Variants in CNTNAP3B observed in about 807,000 individuals in gnomAD.
CNTNAP3B encodes contactin associated protein family member 3B.
Under a neutral mutation model 108.9 loss-of-function variants are expected in CNTNAP3B, and 25 were observed. That is an observed-to-expected ratio of 0.23 (90% CI 0.17 to 0.32). The LOEUF (loss-of-function observed/expected upper bound fraction) is 0.32, where lower values mean the gene tolerates loss of function less well. Among genes scored for constraint, CNTNAP3B ranks in the 10% least tolerant of loss-of-function variants. CNTNAP3B has a pLI of 1.00. For missense variants in CNTNAP3B, 252 were observed against 1,210.4 expected, an observed-to-expected ratio of 0.21 and a Z score of 11.75; for synonymous variants, 103 against 473.4, an observed-to-expected ratio of 0.22 and a Z score of 10.16.
intron 2 of CNTNAP3B, among the ~76,000 whole-genome samples, chr9:42,080,292 G>C (rs1399872257): frequency 1.5e-5 from 2 of 135,822 alleles, no homozygotes; most frequent in Non-Finnish European, 3.1e-5. Context: ...TGATGAAGTA[G>C]TACTTAAATG....
intron 3 of CNTNAP3B, among the ~76,000 whole-genome samples, chr9:42,054,635 G>T (rs1365504031): frequency 5.9e-5 from 9 of 151,646 alleles, no homozygotes; most frequent in African/African-American, 2.2e-4. Flanking sequence ...GATGACCCAG[G>T]ACATGAATAA....
chr9:42,030,813 G>GGAGAGGGAGAGAGAGAGA (rs1826510115), intron 3 of CNTNAP3B, among the ~76,000 whole-genome samples: 1 of 65,748 alleles, frequency 1.5e-5, no homozygotes, highest in Non-Finnish European at 2.7e-5. Context: ...GAGAGAGAGA[G>GGAGAGGGAGAGAGAGAGA]GAGAGAGAGA....
chr9:42,099,188 A>T (rs1335205728), intron 2 of CNTNAP3B, among the ~76,000 whole-genome samples: 1 of 123,506 alleles, frequency 8.1e-6, no homozygotes, highest in Non-Finnish European at 1.7e-5. Context: ...ATTTTTCAAC[A>T]GCTTGAGTGT....
intron 6 of CNTNAP3B, among the ~76,000 whole-genome samples, chr9:41,997,007 T>C (rs1825911078): frequency 2.3e-5 from 2 of 87,864 alleles, no homozygotes; most frequent in Non-Finnish European, 4.4e-5. Context: ...ACTGGAAGAA[T>C]AGATGCTATT....
At chr9:42,082,748 T>C (rs1375943367) in intron 2 of CNTNAP3B, among the ~76,000 whole-genome samples, 3 of 133,052 alleles carry the variant, frequency 2.3e-5, no homozygotes. Context: ...ATGTATTCTC[T>C]TACAAAATGC....
chr9:42,092,192 AATC>A lies in CNTNAP3B; in HGVS notation c.196+12434_196+12436del, dbSNP rs1197047934. Among the ~76,000 whole-genome samples, 12 of 42,778 alleles carry A rather than the reference AATC, an allele frequency of 2.8e-4. 2 individuals are homozygous for A. Among genetic ancestry groups the A allele is most frequent in the African/African-American group, 1.0e-3 (10 of 9,962 alleles). The allele number at this position is 42,778 out of a possible 152,430, so 28.1% of individuals were successfully genotyped here. On this transcript the variant is annotated intron_variant, in intron 2 of 23. Coordinates refer to ENST00000377561, the MANE Select transcript of CNTNAP3B (RefSeq NM_001201380.3). ...ACAAAGAATTATCAGCACAGTCAACAATCATCATCATCATCATCATCATTTTCC... is the reference window on the plus strand; with the variant it reads ...ACAAAGAATTATCAGCACAGTCAACAATCATCATCATCATCATCATTTTCC...
chr9:41,957,657 C>T (rs1365894321), intron 12 of CNTNAP3B, among the ~76,000 whole-genome samples: 3 of 151,554 alleles, frequency 2.0e-5, no homozygotes, highest in East Asian at 3.9e-4. Flanking sequence ...TCTACTTTAC[C>T]CATTACAGCT....
At chr9:42,024,859 G>T (rs1387849867) in intron 3 of CNTNAP3B, among the ~76,000 whole-genome samples, 2 of 144,026 alleles carry the variant, frequency 1.4e-5, no homozygotes, top group African/African-American at 2.6e-5. Context: ...AGCTAATAAA[G>T]CTTCAGACTC....
At chr9:42,117,892 T>C (rs576141421) in intron 1 of CNTNAP3B, among the ~76,000 whole-genome samples, 1 of 139,220 alleles carries the variant, frequency 7.2e-6, no homozygotes, top group South Asian at 2.3e-4. Flanking sequence ...GAGAATACTA[T>C]AACACCTCTA....
chr9:41,922,833 A>G lies in CNTNAP3B; in HGVS notation c.2599T>C (p.Ser867Pro), dbSNP rs1274353113. Reference protein sequence around the residue: ...GNGPCEVTVQSPTPFNDNQWH... With the variant: ...GNGPCEVTVQPPTPFNDNQWH... ...TGATTGTCATTAAAGGGAGTGGGTG[A>G]CTGCACCGTGACCTCACAAGGTCCA... The change falls in exon 17 of 24, where the codon TCA becomes CCA. Residue 867 changes from serine (S) to proline (P), a missense_variant. Coordinates refer to ENST00000377561, the MANE Select transcript of CNTNAP3B (RefSeq NM_001201380.3). The G allele has an allele frequency of 6.2e-7, 1 of 1,611,628 alleles. No individual in the cohort carries two copies. Among genetic ancestry groups the G allele is most frequent in the Non-Finnish European group, 8.5e-7 (1 of 1,179,832 alleles).
intron 15 of CNTNAP3B, among the ~76,000 whole-genome samples, chr9:41,925,594 A>AAAAC (rs774665244): frequency 0.079 from 11,964 of 150,730 alleles, 10 homozygotes; most frequent in Middle Eastern, 0.13. Flanking sequence ...CTCCATCTCA[A>AAAAC]AAACAAACAA....
At chr9:42,042,147 G>A (rs1445008238) in intron 3 of CNTNAP3B, among the ~76,000 whole-genome samples, 1 of 140,238 alleles carries the variant, frequency 7.1e-6, no homozygotes, top group African/African-American at 2.8e-5. Context: ...GGAGTTAATG[G>A]GTGCAGCACA....
chr9:41,941,839 A>C (rs1284657228), intron 13 of CNTNAP3B, among the ~76,000 whole-genome samples: 4 of 151,574 alleles, frequency 2.6e-5, no homozygotes, highest in Non-Finnish European at 5.9e-5. Flanking sequence ...TACGCCTTAG[A>C]GGGTCAACAC....
At chr9:41,917,100 C>T (rs1487059341) in intron 18 of CNTNAP3B, among the ~76,000 whole-genome samples, 2 of 152,302 alleles carry the variant, frequency 1.3e-5, no homozygotes, top group Non-Finnish European at 2.9e-5. Flanking sequence ...TGTTTTCAAC[C>T]ATTATTTTTC....
intron 14 of CNTNAP3B, among the ~76,000 whole-genome samples, chr9:41,931,702 A>G (rs1342465759): frequency 6.6e-6 from 1 of 150,462 alleles, no homozygotes; most frequent in African/African-American, 2.5e-5. Flanking sequence ...ATGGTAGACA[A>G]GCTAGAAATA....
chr9:42,071,412 G>A (rs1164352220), intron 3 of CNTNAP3B, among the ~76,000 whole-genome samples: 1 of 137,926 alleles, frequency 7.3e-6, no homozygotes, highest in African/African-American at 2.9e-5. Flanking sequence ...CATTTTTAAA[G>A]AGCAGCTAGA....
At chr9:42,061,503 G>T (rs1280321652) in intron 3 of CNTNAP3B, among the ~76,000 whole-genome samples, 1 of 127,082 alleles carries the variant, frequency 7.9e-6, no homozygotes, top group Non-Finnish European at 1.6e-5. Context: ...TAGAAGAGAT[G>T]GGGTTTCATC....
At chr9:41,938,932 T>TTGGA (rs768364663) in intron 13 of CNTNAP3B, among the ~76,000 whole-genome samples, 1 of 152,206 alleles carries the variant, frequency 6.6e-6, no homozygotes, top group Non-Finnish European at 1.5e-5. Context: ...GACTCTTTAT[T>TTGGA]TGGAGGTTAA....
intron 10 of CNTNAP3B, among the ~76,000 whole-genome samples, chr9:41,968,959 G>A (rs1301814490): frequency 1.3e-5 from 2 of 152,252 alleles, no homozygotes; most frequent in African/African-American, 4.8e-5. Context: ...ACCATGCCTG[G>A]CTAATTTTTT....
Sources: allele counts gnomAD v4.1 joint callset (sites outside exome capture counted in the v4.1 genomes callset), GRCh38; gene constraint gnomAD v4.1.1; transcripts MANE v1.5; gene names NCBI Gene and HGNC (gene_info 2026-07-23, HGNC 2026-07-21).